The following CNTN6 variants were observed in gnomAD, a reference collection of about 807,000 sequenced individuals.
The protein encoded by CNTN6 is contactin 6, also known as contactin-6.
CNTN6 carries 137 observed loss-of-function variants against 122.8 expected under a neutral mutation model. The ratio of observed to expected loss-of-function variants is 1.12; its 90% CI spans 0.97 to 1.29. The LOEUF is 1.29. Ranked by LOEUF, CNTN6 falls within the 50% of genes most tolerant of loss-of-function variation. CNTN6 has a pLI of 0.00. For missense variants in CNTN6, 1,634 were observed against 1,223.4 expected, an observed-to-expected ratio of 1.34 and a Z score of -5.01; for synonymous variants, 570 against 426.0, an observed-to-expected ratio of 1.34 and a Z score of -4.16.
intron 11 of CNTN6, among the ~76,000 whole-genome samples, chr3:1,337,629 A>G (rs1048039512): frequency 6.6e-6 from 1 of 152,128 alleles, no homozygotes; most frequent in African/African-American, 2.4e-5. Context: ...AATGAACCAT[A>G]TGTTCCCCTG....
intron 4 of CNTN6, among the ~76,000 whole-genome samples, chr3:1,273,640 A>C (rs536148722): frequency 6.6e-6 from 1 of 152,238 alleles, no homozygotes; most frequent in Non-Finnish European, 1.5e-5. Context: ...GTGTGCTATT[A>C]AACAGTTTTA....
chr3:1,315,669 C>G (rs933619037), intron 7 of CNTN6, among the ~76,000 whole-genome samples: 3 of 151,888 alleles, frequency 2.0e-5, no homozygotes, highest in Non-Finnish European at 2.9e-5. Flanking sequence ...AGAGCACTGT[C>G]TGATTGCTTT....
At chr3:1,099,581 A>G (rs2090768574) in intron 1 of CNTN6, among the ~76,000 whole-genome samples, 1 of 152,198 alleles carries the variant, frequency 6.6e-6, no homozygotes, top group East Asian at 1.9e-4. Context: ...TCACTATTGC[A>G]GTGTTCTATT....
chr3:1,369,140 C>T (rs1171198832), intron 12 of CNTN6, among the ~76,000 whole-genome samples: 2 of 152,214 alleles, frequency 1.3e-5, no homozygotes, highest in Non-Finnish European at 2.9e-5. Context: ...TTTCCTCTCT[C>T]TACCTGCTAC....
In CNTN6 at chr3:1,142,968, G is replaced by GTATATATATATATA. The variant is rs3043051; in HGVS notation, c.-82-4937_-82-4924dup. On this transcript the variant is annotated intron_variant, in intron 1 of 22. Coordinates refer to ENST00000446702, the MANE Select transcript of CNTN6 (RefSeq NM_001289080.2). ...TACATATAAATTTGTGTGTGTGTGT[G>GTATATATATATATA]TATATATATATATATATATATATAT... Among the ~76,000 whole-genome samples, 105 of 128,618 alleles carry GTATATATATATATA rather than the reference G, an allele frequency of 8.2e-4. 1 individual carries two copies. The highest frequency in any genetic ancestry group is 2.4e-3 in the African/African-American group (77 of 32,390). The allele number at this position is 128,618 out of a possible 152,430, so 84.4% of individuals were successfully genotyped here. A position where few individuals can be genotyped will look rare whatever the true frequency, so the allele number is the denominator to read the frequency against.
At position 1,111,658 on chromosome 3, in the gene CNTN6, A is replaced by G. The variant is rs116184595; in HGVS notation, c.-83+18538A>G. Among the ~76,000 whole-genome samples the G allele has an allele frequency of 4.1e-3, 618 of 152,306 alleles. 4 individuals are homozygous for G. Among genetic ancestry groups the G allele is most frequent in the African/African-American group, 0.013 (558 of 41,572 alleles). On this transcript the variant is annotated intron_variant, in intron 1 of 22. Transcript: ENST00000446702. ...AAACAGTGATGCTCAACATCTGTCA[A>G]TTACTGAGTGTGAGGTAGTTTCATT... is the stretch of plus-strand genomic sequence containing the variant.
chr3:1,386,116 G>A (rs947745865), intron 20 of CNTN6, among the ~76,000 whole-genome samples: 1 of 152,120 alleles, frequency 6.6e-6, no homozygotes, highest in Non-Finnish European at 1.5e-5. Flanking sequence ...TGGAACGTTA[G>A]GTGGTATTTA....
intron 2 of CNTN6, among the ~76,000 whole-genome samples, chr3:1,213,527 G>A (rs1296836516): frequency 6.6e-6 from 1 of 151,394 alleles, no homozygotes. Flanking sequence ...TTCAAACTAT[G>A]AAATATTATG....
rs192803189 is a variant in CNTN6, at chr3:1,235,668, A to C, written c.358+7675A>C. On this transcript the variant is annotated intron_variant, in intron 4 of 22. Coordinates refer to ENST00000446702, the MANE Select transcript of CNTN6 (RefSeq NM_001289080.2). ...GACTCACATCATACTTTGCCCCAGA[A>C]ACTACCCCAGGAACATACCAGGAAA... 1.5e-3 allele frequency among the ~76,000 whole-genome samples: 227 copies of C among 152,252 alleles called. 1 individual carries two copies. The highest frequency in any genetic ancestry group is 5.3e-3 in the African/African-American group (219 of 41,544).
At chr3:1,315,836 C>T (rs755238724) in intron 7 of CNTN6, among the ~76,000 whole-genome samples, 9 of 151,960 alleles carry the variant, frequency 5.9e-5, no homozygotes, top group South Asian at 2.1e-4. Flanking sequence ...GCAGCTAGGA[C>T]ATTAAATGGT....
intron 11 of CNTN6, among the ~76,000 whole-genome samples, chr3:1,334,681 G>T (rs1461980113): frequency 6.6e-6 from 1 of 152,050 alleles, no homozygotes; most frequent in Non-Finnish European, 1.5e-5. Flanking sequence ...AGAGTTTACA[G>T]AGAGCCCTAT....
chr3:1,286,002 C>G (rs12330271), intron 5 of CNTN6, among the ~76,000 whole-genome samples: 1 of 152,068 alleles, frequency 6.6e-6, no homozygotes, highest in Non-Finnish European at 1.5e-5. Context: ...TCTTTAAGTC[C>G]CATGCTGCAC....
intron 2 of CNTN6, among the ~76,000 whole-genome samples, chr3:1,187,600 C>T (rs991858691): frequency 2.0e-4 from 30 of 152,150 alleles, no homozygotes; most frequent in Non-Finnish European, 7.4e-5. Context: ...CATAGGGAGG[C>T]TGGGGTGGTC....
intron 2 of CNTN6, among the ~76,000 whole-genome samples, chr3:1,174,457 TTC>T (rs1471924195): frequency 6.6e-6 from 1 of 152,206 alleles, no homozygotes; most frequent in African/African-American, 2.4e-5. Context: ...CTCATGGAAC[TTC>T]TCAGTTTTCT....
intron 4 of CNTN6, among the ~76,000 whole-genome samples, chr3:1,270,229 A>G (rs1165155064): frequency 6.6e-6 from 1 of 152,204 alleles, no homozygotes; most frequent in Non-Finnish European, 1.5e-5. Context: ...GCATGGGAAA[A>G]TTAGTTACTA....
At chr3:1,400,659 T>C (rs941483799) in intron 20 of CNTN6, among the ~76,000 whole-genome samples, 4 of 152,120 alleles carry the variant, frequency 2.6e-5, no homozygotes, top group Non-Finnish European at 2.9e-5. Flanking sequence ...TAAGCTAAGA[T>C]AGACATACGA....
At position 1,225,359 on chromosome 3, in the gene CNTN6, GT is replaced by G. The variant is rs2094267184; in HGVS notation, c.183-2456del. ...GTTGAACCCCTGATCTATATGTACA[GT>G]TTAATAATCATTGTACCGTAGTGAT... On this transcript the variant is annotated intron_variant, in intron 3 of 22. Transcript: ENST00000446702. Among the ~76,000 whole-genome samples, 3 of 152,266 alleles carry G rather than the reference GT, an allele frequency of 2.0e-5. 1 individual carries two copies. In the South Asian group the frequency reaches 6.2e-4, roughly 32 times the overall value.
chr3:1,152,962 A>T (rs888733985), intron 2 of CNTN6, among the ~76,000 whole-genome samples: 1 of 152,192 alleles, frequency 6.6e-6, no homozygotes, highest in Non-Finnish European at 1.5e-5. Flanking sequence ...CTAAATATTC[A>T]TATCATCTTA....
At chr3:1,400,142 ATAT>A in intron 20 of CNTN6, among the ~76,000 whole-genome samples, 1 of 152,222 alleles carries the variant, frequency 6.6e-6, no homozygotes, top group Non-Finnish European at 1.5e-5. Flanking sequence ...AATGAATTAA[ATAT>A]TATGCTCACT....
Sources: gnomAD v4.1 joint callset for allele counts (sites outside exome capture counted in the v4.1 genomes callset) on GRCh38, gnomAD v4.1.1 for gene constraint, MANE v1.5 for transcripts, NCBI Gene and HGNC (gene_info 2026-07-23, HGNC 2026-07-21) for gene names.